LPGAT1: variants seen among roughly 807,000 people sequenced by gnomAD.
The protein encoded by LPGAT1 is lysophosphatidylglycerol acyltransferase 1, also known as acyl-CoA:lysophosphatidylglycerol acyltransferase 1.
Under a neutral mutation model 47.5 loss-of-function variants are expected in LPGAT1, and 11 were observed. That is an observed-to-expected ratio of 0.23 (90% CI 0.15 to 0.38). The LOEUF (loss-of-function observed/expected upper bound fraction) is 0.38. LPGAT1 is among the 10% of genes least tolerant of loss of function. The probability of loss-of-function intolerance (pLI) is 1.00; values close to 1 mark genes in which losing one functional copy is unlikely to be tolerated. For missense variants in LPGAT1, 293 were observed against 439.0 expected, an observed-to-expected ratio of 0.67 and a Z score of 2.97; for synonymous variants, 138 against 144.2, an observed-to-expected ratio of 0.96 and a Z score of 0.31.
intron 5 of LPGAT1, 88 bp from the exon 6 acceptor site, chr1:211,779,132 T>A: frequency 9.5e-7 from 1 of 1,052,424 alleles, no homozygotes; most frequent in Non-Finnish European, 1.3e-6. Context: ...CAGTGTAAGA[T>A]ATATCACTAT....
chr1:211,760,082 T>C (rs1270107593), intron 6 of LPGAT1, among the ~76,000 whole-genome samples: 1 of 152,236 alleles, frequency 6.6e-6, no homozygotes, highest in African/African-American at 2.4e-5. Context: ...GTATAGAGGA[T>C]GGCTAGTAGT....
intron 6 of LPGAT1, among the ~76,000 whole-genome samples, chr1:211,765,164 T>C (rs1342446397): frequency 2.0e-5 from 3 of 152,234 alleles, no homozygotes; most frequent in Middle Eastern, 6.3e-3. Context: ...TGTCTAACGA[T>C]GTTTTTAAAC....
intron 2 of LPGAT1, among the ~76,000 whole-genome samples, chr1:211,821,747 T>C (rs953838385): frequency 5.3e-5 from 8 of 152,158 alleles, no homozygotes; most frequent in African/African-American, 1.7e-4. Flanking sequence ...CCTTTGGTCA[T>C]AGAAGAGAAT....
intron 2 of LPGAT1, among the ~76,000 whole-genome samples, chr1:211,797,826 C>T (rs1659409871): frequency 1.3e-5 from 2 of 152,214 alleles, no homozygotes; most frequent in East Asian, 1.9e-4. Context: ...AGAATTGGGT[C>T]AGGTCCACTA....
chr1:211,804,146 CA>C (rs1286908760), intron 2 of LPGAT1, among the ~76,000 whole-genome samples: 1 of 152,158 alleles, frequency 6.6e-6, no homozygotes, highest in Non-Finnish European at 1.5e-5. Context: ...AATCAAAGCT[CA>C]CTGTAGCCTC....
chr1:211,795,719 C>T (rs1659325979), intron 2 of LPGAT1, among the ~76,000 whole-genome samples: 1 of 152,080 alleles, frequency 6.6e-6, no homozygotes, highest in African/African-American at 2.4e-5. Context: ...GAAAACTCCC[C>T]ATATGCCCCT....
chr1:211,779,133 A>C, intron 5 of LPGAT1, 89 bp from the exon 6 acceptor site: 1 of 1,047,640 alleles, frequency 9.5e-7, no homozygotes. Flanking sequence ...AGTGTAAGAT[A>C]TATCACTATA....
intron 2 of LPGAT1, among the ~76,000 whole-genome samples, chr1:211,824,219 AAACCTTGTCTCTACT>A (rs1660461510): frequency 6.6e-6 from 1 of 152,130 alleles, no homozygotes; most frequent in East Asian, 1.9e-4. Context: ...CAACATGGTG[AAACCTTGTCTCTACT>A]AACAATACAA....
At chr1:211,777,229 A>G (rs534939226) in intron 6 of LPGAT1, among the ~76,000 whole-genome samples, 36 of 152,068 alleles carry the variant, frequency 2.4e-4, no homozygotes, top group Non-Finnish European at 4.4e-4. Context: ...CCCTCTCACA[A>G]GTTTCTTGCA....
intron 2 of LPGAT1, among the ~76,000 whole-genome samples, chr1:211,819,093 C>T (rs73086906): frequency 0.026 from 3,960 of 152,206 alleles, 161 homozygotes; most frequent in African/African-American, 0.088. Flanking sequence ...TTGGTATGGA[C>T]ATAGCAGCAT....
intron 6 of LPGAT1, among the ~76,000 whole-genome samples, chr1:211,776,097 G>C (rs1411084985): frequency 6.7e-6 from 1 of 150,240 alleles, no homozygotes; most frequent in Non-Finnish European, 1.5e-5. Flanking sequence ...TCTCATGCTT[G>C]TCAGCTCTAT....
chr1:211,793,066 G>A lies in LPGAT1; in HGVS notation c.357+6C>T. The A allele has an allele frequency of 6.4e-7, 1 of 1,574,342 alleles. No homozygotes were observed. The highest frequency in any genetic ancestry group is 8.7e-7 in the Non-Finnish European group (1 of 1,155,880). On this transcript the variant is annotated splice_donor_region_variant and intron_variant, in intron 3 of 7. Coordinates refer to ENST00000366997, the MANE Select transcript of LPGAT1 (RefSeq NM_014873.3). ...ATGTCTATCTACTGCCTTCAGGGTA[G>A]CTTACCAGTCCTTTGTCCTGGAGGC...
chr1:211,775,966 C>T (rs1658381708), intron 6 of LPGAT1, among the ~76,000 whole-genome samples: 1 of 148,184 alleles, frequency 6.7e-6, no homozygotes, highest in Admixed American at 6.7e-5. Context: ...CATTTAATTA[C>T]TACTACCTAT....
rs1656904349 is a variant in LPGAT1, at chr1:211,745,426, C to T, written c.*4473G>A. On this transcript the variant is annotated 3_prime_UTR_variant, in exon 8 of 8. Transcript: ENST00000366997. ...CTGTAAAATGCATAGACTCCTTACACGTAAAGAATTTGTGCATCACAGTCA... is the reference window on the plus strand; with the variant it reads ...CTGTAAAATGCATAGACTCCTTACATGTAAAGAATTTGTGCATCACAGTCA... 1 of 152,114 alleles carries T rather than the reference C, an allele frequency of 6.6e-6. No homozygotes were observed. Among genetic ancestry groups the T allele is most frequent in the Admixed American group, 6.5e-5 (1 of 15,270 alleles). 9.4% of individuals were successfully genotyped at this position (152,114 alleles called of 1,614,324 possible).
chr1:211,803,742 A>C (rs1215780948), intron 2 of LPGAT1, among the ~76,000 whole-genome samples: 1 of 150,582 alleles, frequency 6.6e-6, no homozygotes, highest in Non-Finnish European at 1.5e-5. Flanking sequence ...TAGAAAATGT[A>C]TTTATTTTTC....
In LPGAT1 at chr1:211,773,191, A is replaced by G. The variant is rs115718380; in HGVS notation, c.854+5727T>C. 6.5e-3 allele frequency among the ~76,000 whole-genome samples: 984 copies of G among 152,284 alleles called. 12 individuals carry two copies. Among genetic ancestry groups the G allele is most frequent in the African/African-American group, 0.022 (931 of 41,572 alleles). ...TAGATTATAATCTCATTAGCAGTAT[A>G]TATGAGATCACCTTTTCCCATATCG... On this transcript the variant is annotated intron_variant, in intron 6 of 7. Transcript: ENST00000366997.
chr1:211,795,379 G>A (rs1254701961), intron 2 of LPGAT1, among the ~76,000 whole-genome samples: 2 of 151,984 alleles, frequency 1.3e-5, no homozygotes, highest in African/African-American at 4.8e-5. Context: ...TGGTTTTTTT[G>A]TTTTTGAGAC....
chr1:211,791,730 G>C (rs1241347802), intron 3 of LPGAT1, among the ~76,000 whole-genome samples: 1 of 130,952 alleles, frequency 7.6e-6, no homozygotes, highest in East Asian at 2.1e-4. Context: ...CTGGGCAACA[G>C]TGCAAGACTC....
At chr1:211,765,942 T>C (rs1034886439) in intron 6 of LPGAT1, among the ~76,000 whole-genome samples, 12 of 151,940 alleles carry the variant, frequency 7.9e-5, no homozygotes, top group Admixed American at 3.9e-4. Flanking sequence ...TCCCCCGCAA[T>C]GTGGGAAGGC....
Sources: allele counts gnomAD v4.1 joint callset (sites outside exome capture counted in the v4.1 genomes callset), GRCh38; gene constraint gnomAD v4.1.1; transcripts MANE v1.5; gene names NCBI Gene and HGNC (gene_info 2026-07-23, HGNC 2026-07-21).